The following ZFHX3 variants were observed in gnomAD, a reference collection of about 807,000 sequenced individuals.
The protein encoded by ZFHX3 is zinc finger homeobox 3, also known as zinc finger homeobox protein 3.
A neutral mutation model predicts 279.1 loss-of-function variants in ZFHX3; 42 were observed. That is an observed-to-expected ratio of 0.15 (90% CI 0.12 to 0.19). The LOEUF (loss-of-function observed/expected upper bound fraction) is 0.19, where lower values mean the gene tolerates loss of function less well. ZFHX3 is among the 10% of genes least tolerant of loss of function. The probability of loss-of-function intolerance (pLI) is 1.00; values close to 1 mark genes in which losing one functional copy is unlikely to be tolerated. For missense variants in ZFHX3, 4,981 were observed against 4,754.0 expected, an observed-to-expected ratio of 1.05 and a Z score of -1.40; for synonymous variants, 2,293 against 1,957.8, an observed-to-expected ratio of 1.17 and a Z score of -4.52.
chr16:72,908,390 C>A (rs2039237816), intron 3 of ZFHX3, among the ~76,000 whole-genome samples: 1 of 152,156 alleles, frequency 6.6e-6, no homozygotes, highest in African/African-American at 2.4e-5. Flanking sequence ...CTTCCTTAAA[C>A]AATAAAGCAA....
At chr16:73,707,987 T>A (rs2053321347) in intron 1 of ZFHX3, among the ~76,000 whole-genome samples, 1 of 151,452 alleles carries the variant, frequency 6.6e-6, no homozygotes, top group Non-Finnish European at 1.5e-5. Flanking sequence ...TGTGGCAAAA[T>A]ATTCAGATTT....
chr16:73,683,322 G>A (rs1017340870), intron 1 of ZFHX3, among the ~76,000 whole-genome samples: 1 of 152,090 alleles, frequency 6.6e-6, no homozygotes, highest in Non-Finnish European at 1.5e-5. Flanking sequence ...CCAGAGGAGG[G>A]GGCAGTCAGG....
rs570215308 is a variant in ZFHX3, at chr16:72,901,742, A to G, written c.3217-11780T>C. Among the ~76,000 whole-genome samples, 7 of 152,340 alleles carry G rather than the reference A, an allele frequency of 4.6e-5. 1 individual carries two copies. In the South Asian group the frequency reaches 1.5e-3, roughly 32 times the overall value. ...AGATGGTTCTTTGAGGAAGGACAGA[A>G]GAGTCTGCTTCAAGAGGCCAGGAGA... On this transcript the variant is annotated intron_variant, in intron 3 of 9. Transcript: ENST00000268489.
At chr16:73,058,150 G>T (rs915746495) in intron 1 of ZFHX3, among the ~76,000 whole-genome samples, 4 of 145,318 alleles carry the variant, frequency 2.8e-5, no homozygotes, top group Non-Finnish European at 4.6e-5. Flanking sequence ...TCGCCGCGCG[G>T]GCCTCGCCCC....
intron 4 of ZFHX3, among the ~76,000 whole-genome samples, chr16:72,883,862 C>T (rs2144040749): frequency 6.6e-6 from 1 of 152,196 alleles, no homozygotes; most frequent in East Asian, 1.9e-4. Flanking sequence ...CTATACCTTC[C>T]CCAAACCCGG....
chr16:73,685,838 C>G (rs563239827), intron 1 of ZFHX3, among the ~76,000 whole-genome samples: 4 of 152,194 alleles, frequency 2.6e-5, no homozygotes, highest in African/African-American at 7.2e-5. Context: ...TATGAGCACC[C>G]GACAATGTGA....
chr16:73,623,410 G>C (rs1251520048), intron 2 of ZFHX3, among the ~76,000 whole-genome samples: 3 of 152,176 alleles, frequency 2.0e-5, no homozygotes, highest in South Asian at 4.2e-4. Flanking sequence ...TAAACTTAAA[G>C]ACTCTTTCCA....
At chr16:73,376,188 T>C (rs1415857438) in intron 3 of ZFHX3, among the ~76,000 whole-genome samples, 1 of 152,226 alleles carries the variant, frequency 6.6e-6, no homozygotes, top group East Asian at 1.9e-4. Context: ...TTAGATTTTA[T>C]ATAATTTTTT....
intron 1 of ZFHX3, among the ~76,000 whole-genome samples, chr16:73,746,539 A>G (rs2053705182): frequency 2.0e-5 from 3 of 152,200 alleles, no homozygotes; most frequent in Non-Finnish European, 2.9e-5. Context: ...TGGGGAGTCC[A>G]GGGGCTTATT....
intron 1 of ZFHX3, among the ~76,000 whole-genome samples, chr16:73,737,929 G>T (rs940396259): frequency 3.3e-5 from 5 of 152,162 alleles, no homozygotes; most frequent in Admixed American, 6.5e-5. Flanking sequence ...AACCCAGGGG[G>T]TGTAGAGGTA....
At chr16:73,586,518 A>G (rs1415602946) in intron 2 of ZFHX3, among the ~76,000 whole-genome samples, 1 of 152,102 alleles carries the variant, frequency 6.6e-6, no homozygotes, top group Non-Finnish European at 1.5e-5. Context: ...CTATACTATT[A>G]TTATTGGATA....
intron 2 of ZFHX3, among the ~76,000 whole-genome samples, chr16:73,600,751 G>A (rs1156300370): frequency 6.6e-6 from 1 of 151,996 alleles, no homozygotes; most frequent in African/African-American, 2.4e-5. Flanking sequence ...ATGGATCTTT[G>A]AAATCTGCAC....
intron 1 of ZFHX3, among the ~76,000 whole-genome samples, chr16:73,710,629 G>T (rs1674371689): frequency 6.6e-6 from 1 of 152,150 alleles, no homozygotes; most frequent in African/African-American, 2.4e-5. Flanking sequence ...CCCACACCTG[G>T]CTTCCCACAC....
chr16:73,060,609 G>C (rs1965671945), upstream of ZFHX3: 1 of 145,030 alleles, frequency 6.9e-6, no homozygotes, highest in South Asian at 2.1e-4. Flanking sequence ...ATGACAAGTT[G>C]TATTTATGTA....
intron 4 of ZFHX3, among the ~76,000 whole-genome samples, chr16:73,280,036 A>G (rs1269772896): frequency 6.6e-6 from 1 of 152,364 alleles, no homozygotes; most frequent in East Asian, 1.9e-4. Context: ...AGTCTCTTCA[A>G]TAAATGATGT....
chr16:73,172,926 C>T (rs1239718746), intron 5 of ZFHX3, among the ~76,000 whole-genome samples: 1 of 124,572 alleles, frequency 8.0e-6, no homozygotes, highest in Non-Finnish European at 1.6e-5. Flanking sequence ...GTGGGGCTGC[C>T]TGTGGTTTTT....
chr16:73,313,907 A>C (rs1426887349), intron 4 of ZFHX3, among the ~76,000 whole-genome samples: 1 of 152,196 alleles, frequency 6.6e-6, no homozygotes, highest in Non-Finnish European at 1.5e-5. Flanking sequence ...CAGGAGTTCG[A>C]GACCAGCTTG....
intron 7 of ZFHX3, among the ~76,000 whole-genome samples, chr16:73,106,722 T>C (rs1023172590): frequency 6.6e-6 from 1 of 152,240 alleles, no homozygotes; most frequent in African/African-American, 2.4e-5. Flanking sequence ...TCATTCATCA[T>C]GGAAGCCCTG....
intron 4 of ZFHX3, among the ~76,000 whole-genome samples, chr16:72,885,575 G>T (rs1597345764): frequency 6.6e-6 from 1 of 152,096 alleles, no homozygotes; most frequent in African/African-American, 2.4e-5. Context: ...AGAAACTATT[G>T]CAGAATCATC....
Sources: allele counts gnomAD v4.1 joint callset (sites outside exome capture counted in the v4.1 genomes callset), GRCh38; gene constraint gnomAD v4.1.1; transcripts MANE v1.5; gene names NCBI Gene and HGNC (gene_info 2026-07-23, HGNC 2026-07-21).